Variants in IL20RB observed in about 807,000 individuals in gnomAD.
IL20RB encodes interleukin 20 receptor subunit beta.
Under a neutral mutation model 33.3 loss-of-function variants are expected in IL20RB, and 21 were observed. The ratio of observed to expected loss-of-function variants is 0.63; its 90% CI spans 0.45 to 0.91. The LOEUF (loss-of-function observed/expected upper bound fraction) is 0.91. Ranked by LOEUF, IL20RB falls within the 40% of genes least tolerant of loss-of-function variation. The probability of loss-of-function intolerance (pLI) is 0.00; values close to 1 mark genes in which losing one functional copy is unlikely to be tolerated. For synonymous variants in IL20RB, 147 were observed against 146.8 expected (o/e 1.00, Z -0.01); for missense variants, 345 against 384.8 (o/e 0.90, Z 0.86).
intron 1 of IL20RB, among the ~76,000 whole-genome samples, chr3:136,969,620 C>T (rs569612740): frequency 3.3e-5 from 5 of 150,970 alleles, no homozygotes; most frequent in Admixed American, 6.6e-5. Context: ...GAGATGAACC[C>T]GGTACCTCAG....
chr3:137,002,849 C>T (rs911882955), intron 6 of IL20RB, among the ~76,000 whole-genome samples: 2 of 152,178 alleles, frequency 1.3e-5, no homozygotes, highest in African/African-American at 4.8e-5. Context: ...TTGCCCATGC[C>T]TATGTCCTGA....
chr3:136,977,060 C>A (rs1442518772), intron 1 of IL20RB, among the ~76,000 whole-genome samples: 3 of 152,152 alleles, frequency 2.0e-5, no homozygotes, highest in Non-Finnish European at 4.4e-5. Flanking sequence ...TCCTTCCTTG[C>A]TTTTGGTGTT....
rs1277411830 is a variant in IL20RB at position 137,010,276 on chromosome 3, A to G, written c.*53A>G. ...AGAACCTGGTCTGCATGACATGGAAACCATGAGGGGACAAGTTGTGTTTCT... is the reference window on the plus strand; with the variant it reads ...AGAACCTGGTCTGCATGACATGGAAGCCATGAGGGGACAAGTTGTGTTTCT... On this transcript the variant is annotated 3_prime_UTR_variant, in exon 7 of 7. Coordinates refer to ENST00000329582, the MANE Select transcript of IL20RB (RefSeq NM_144717.4). The G allele has an allele frequency of 3.6e-6, 3 of 833,028 alleles. No individual in the cohort carries two copies. Among genetic ancestry groups the G allele is most frequent in the Non-Finnish European group, 6.3e-6 (3 of 475,090 alleles). The allele number at this position is 833,028 out of a possible 1,614,324, so 51.6% of individuals were successfully genotyped here.
At chr3:136,971,831 T>C (rs185129830) in intron 1 of IL20RB, among the ~76,000 whole-genome samples, 2 of 152,302 alleles carry the variant, frequency 1.3e-5, no homozygotes, top group East Asian at 3.9e-4. Context: ...TATTGATTTA[T>C]TTTCCTTTGG....
chr3:136,971,967 T>C (rs1577013461), intron 1 of IL20RB, among the ~76,000 whole-genome samples: 1 of 152,118 alleles, frequency 6.6e-6, no homozygotes, highest in Non-Finnish European at 1.5e-5. Context: ...TGTGTAAGAG[T>C]TCCCTTTTCT....
At chr3:136,986,727 C>T (rs1369572453) in intron 3 of IL20RB, 11 of 456,830 alleles carry the variant, frequency 2.4e-5, no homozygotes, top group Non-Finnish European at 3.5e-5. Context: ...CACTTGTGTC[C>T]GGAATTGGTG....
chr3:136,971,575 A>G (rs1039776784), intron 1 of IL20RB, among the ~76,000 whole-genome samples: 1 of 152,202 alleles, frequency 6.6e-6, no homozygotes, highest in South Asian at 2.1e-4. Context: ...CCCACATGTA[A>G]GTGAGAACAT....
intron 4 of IL20RB, among the ~76,000 whole-genome samples, chr3:136,991,479 G>A (rs1385950711): frequency 6.6e-6 from 1 of 152,222 alleles, no homozygotes. Context: ...GAATGAATGA[G>A]TGCCTGAATG....
intron 1 of IL20RB, among the ~76,000 whole-genome samples, chr3:136,970,535 T>C (rs1297192808): frequency 6.6e-6 from 1 of 152,250 alleles, no homozygotes; most frequent in Admixed American, 6.5e-5. Flanking sequence ...CAATATAGTT[T>C]TAATTACCAT....
At chr3:136,959,790 G>A (rs1228493327) in intron 1 of IL20RB, among the ~76,000 whole-genome samples, 1 of 152,192 alleles carries the variant, frequency 6.6e-6, no homozygotes, top group African/African-American at 2.4e-5. Flanking sequence ...ACCTGTGTGT[G>A]AGTTTTGGCT....
At chr3:136,988,261 G>A (rs1442778277) in intron 3 of IL20RB, among the ~76,000 whole-genome samples, 1 of 152,206 alleles carries the variant, frequency 6.6e-6, no homozygotes, top group African/African-American at 2.4e-5. Flanking sequence ...GGGTCTGAAA[G>A]GCAAGTATAA....
intron 6 of IL20RB, among the ~76,000 whole-genome samples, chr3:137,007,776 G>T (rs191676753): frequency 6.6e-6 from 1 of 152,130 alleles, no homozygotes; most frequent in Non-Finnish European, 1.5e-5. Context: ...GCTTCAGCTC[G>T]CCCTCTGTGG....
In IL20RB at chr3:136,982,324, T is replaced by C; in HGVS notation, c.380T>C (p.Leu127Pro). 6.3e-7 allele frequency: 1 copy of C among 1,599,692 alleles called. No homozygotes were observed. The highest frequency in any genetic ancestry group is 8.6e-7 in the Non-Finnish European group (1 of 1,169,258). Reference protein sequence around the residue: ...LGSQTSAWSILKHPFNRNSTI... With the variant: ...LGSQTSAWSIPKHPFNRNSTI... ...TCACAGACCTCAGCCTGGAGCATCC[T>C]GAAGCATCCCTTTAATAGAAACTCA... The change falls in exon 3 of 7, where the codon CTG (leucine) becomes CCG (proline). Residue 127 changes from leucine (L) to proline (P), a missense_variant. Leu to Pro is a moderately conservative substitution (Grantham distance 98). Transcript: ENST00000329582.
At position 136,982,219 on chromosome 3, in the gene IL20RB, C is replaced by G; in HGVS notation, c.275C>G (p.Thr92Ser). 1.2e-6 allele frequency: 2 copies of G among 1,607,154 alleles called. No homozygotes were observed. The highest frequency in any genetic ancestry group is 3.3e-5 in the Admixed American group (2 of 59,854). The change falls in exon 3 of 7, where the codon ACT becomes AGT. Residue 92 changes from threonine to serine, a missense_variant. Physicochemically the swap from Thr to Ser is moderately conservative, Grantham distance 58. Coordinates refer to ENST00000329582, the MANE Select transcript of IL20RB (RefSeq NM_144717.4). ...IWIPSSWCSL[T>S]EGPECDVTDD... ...ATCCCCAGCAGCTGGTGCTCACTCA[C>G]TGAAGGTCCTGAGTGTGATGTCACT...
At chr3:136,961,533 G>A (rs1434787164) in intron 1 of IL20RB, among the ~76,000 whole-genome samples, 2 of 151,492 alleles carry the variant, frequency 1.3e-5, no homozygotes, top group Non-Finnish European at 2.9e-5. Context: ...TTCCAGGGCT[G>A]GGCAGGGAAA....
chr3:136,988,193 C>T (rs1941957004), intron 3 of IL20RB, among the ~76,000 whole-genome samples: 1 of 152,206 alleles, frequency 6.6e-6, no homozygotes, highest in Non-Finnish European at 1.5e-5. Flanking sequence ...GAACATGCCC[C>T]ACCCCTTTCC....
chr3:136,990,968 C>A (rs957271674), intron 4 of IL20RB, among the ~76,000 whole-genome samples: 4 of 152,200 alleles, frequency 2.6e-5, no homozygotes, highest in African/African-American at 7.2e-5. Flanking sequence ...AGCCCACTAC[C>A]CACCTTTGGT....
At chr3:137,005,026 C>T (rs1942324795) in intron 6 of IL20RB, among the ~76,000 whole-genome samples, 1 of 152,060 alleles carries the variant, frequency 6.6e-6, no homozygotes, top group African/African-American at 2.4e-5. Flanking sequence ...CGTTATTTAC[C>T]CAGTAGTCAT....
intron 5 of IL20RB, among the ~76,000 whole-genome samples, chr3:136,993,230 C>T (rs901222991): frequency 6.6e-5 from 10 of 152,182 alleles, no homozygotes; most frequent in African/African-American, 1.9e-4. Flanking sequence ...TGAGTGTGCC[C>T]CATTCTCCTG....
Sources: allele counts gnomAD v4.1 joint callset (sites outside exome capture counted in the v4.1 genomes callset), GRCh38; gene constraint gnomAD v4.1.1; transcripts MANE v1.5; gene names NCBI Gene and HGNC (gene_info 2026-07-23, HGNC 2026-07-21).